The following PRKG1 variants were observed in gnomAD, a reference collection of about 807,000 sequenced individuals.
PRKG1 encodes the protein cGMP-dependent protein kinase 1.
In PRKG1, 35 loss-of-function variants were observed where a neutral mutation model predicts 88.1. The ratio of observed to expected loss-of-function variants is 0.40; its 90% CI spans 0.30 to 0.53. PRKG1 has a LOEUF of 0.53. Among genes scored for constraint, PRKG1 ranks in the 20% least tolerant of loss-of-function variants. The pLI, the probability that PRKG1 is intolerant of heterozygous loss-of-function variation, is 0.59. For synonymous variants in PRKG1, 303 were observed against 292.5 expected (o/e 1.04, Z -0.37); for missense variants, 540 against 839.8 (o/e 0.64, Z 4.41).
intron 2 of PRKG1, among the ~76,000 whole-genome samples, chr10:51,438,208 A>G (rs1838995175): frequency 6.6e-6 from 1 of 151,710 alleles, no homozygotes; most frequent in Non-Finnish European, 1.5e-5. Context: ...CCAAAAAAAA[A>G]ATGTGAAGAA....
intron 2 of PRKG1, among the ~76,000 whole-genome samples, chr10:51,202,591 G>A (rs182251644): frequency 3.3e-5 from 5 of 152,336 alleles, no homozygotes; most frequent in African/African-American, 9.6e-5. Context: ...TAGTCTAACA[G>A]TGGAATATGT....
intron 2 of PRKG1, among the ~76,000 whole-genome samples, chr10:51,318,709 A>G (rs1248382551): frequency 6.6e-6 from 1 of 152,138 alleles, no homozygotes; most frequent in African/African-American, 2.4e-5. Context: ...TTTTTCATAA[A>G]AATCTTTAAC....
At chr10:51,765,163 C>A (rs1386687005) in intron 3 of PRKG1, among the ~76,000 whole-genome samples, 1 of 152,140 alleles carries the variant, frequency 6.6e-6, no homozygotes. Flanking sequence ...GCTTTTTAAA[C>A]CTAACCTTTT....
intron 4 of PRKG1, among the ~76,000 whole-genome samples, chr10:51,905,776 T>C (rs921337065): frequency 3.3e-5 from 5 of 152,204 alleles, no homozygotes; most frequent in African/African-American, 7.2e-5. Context: ...TAAGCTAATA[T>C]ATTTCATGGG....
rs112214253 is a variant in PRKG1, at chr10:51,782,149, T to C, written c.593-22436T>C. Among the ~76,000 whole-genome samples the C allele has an allele frequency of 1.9e-3, 291 of 152,228 alleles. 4 individuals are homozygous for C. The highest frequency in any genetic ancestry group is 6.9e-3 in the African/African-American group (285 of 41,560). ...CATCCTAAACAAGGACTGCTTAACTTTAAGCACTTTTAAAGAATATATAAA... is the reference window on the plus strand; with the variant it reads ...CATCCTAAACAAGGACTGCTTAACTCTAAGCACTTTTAAAGAATATATAAA... On this transcript the variant is annotated intron_variant, in intron 3 of 17. Transcript: ENST00000373980.
At chr10:51,625,813 A>G (rs1309988689) in intron 3 of PRKG1, among the ~76,000 whole-genome samples, 1 of 152,130 alleles carries the variant, frequency 6.6e-6, no homozygotes, top group East Asian at 1.9e-4. Context: ...TCAAAACAGA[A>G]CAGAGAGTCA....
intron 9 of PRKG1, among the ~76,000 whole-genome samples, chr10:52,204,384 C>T (rs1839760081): frequency 6.6e-6 from 1 of 152,082 alleles, no homozygotes; most frequent in Non-Finnish European, 1.5e-5. Context: ...CTGCACCCAA[C>T]TGTTAGCTGG....
intron 4 of PRKG1, among the ~76,000 whole-genome samples, chr10:51,874,355 G>T (rs560604854): frequency 6.6e-6 from 1 of 152,168 alleles, no homozygotes; most frequent in African/African-American, 2.4e-5. Flanking sequence ...TGCAGAAAAC[G>T]TAAAAGTTAG....
chr10:51,050,757 G>GC (rs1843550593), intron 1 of PRKG1, among the ~76,000 whole-genome samples: 1 of 152,028 alleles, frequency 6.6e-6, no homozygotes, highest in African/African-American at 2.4e-5. Context: ...TATAGTGGCT[G>GC]CACCAGTTTA....
At chr10:51,136,947 G>A (rs1237805225) in intron 1 of PRKG1, among the ~76,000 whole-genome samples, 2 of 151,734 alleles carry the variant, frequency 1.3e-5, no homozygotes, top group Admixed American at 6.6e-5. Context: ...TGTTGCCCAC[G>A]CTGGAGTGCA....
intron 2 of PRKG1, among the ~76,000 whole-genome samples, chr10:51,221,749 A>C (rs1838537771): frequency 6.6e-6 from 1 of 152,260 alleles, no homozygotes; most frequent in Non-Finnish European, 1.5e-5. Flanking sequence ...TAAGATAACA[A>C]TGAAAGGTAG....
chr10:52,224,106 G>A (rs1012827316), intron 9 of PRKG1, among the ~76,000 whole-genome samples: 4 of 152,124 alleles, frequency 2.6e-5, no homozygotes, highest in Admixed American at 2.6e-4. Context: ...CAGAATAAAA[G>A]GCAAATCTTT....
At chr10:52,232,457 G>T (rs1222042045) in intron 9 of PRKG1, among the ~76,000 whole-genome samples, 1 of 152,006 alleles carries the variant, frequency 6.6e-6, no homozygotes, top group Non-Finnish European at 1.5e-5. Context: ...TTTGTATTAT[G>T]TATCTTAAGT....
chr10:51,487,252 A>C (rs1840574966), intron 3 of PRKG1, among the ~76,000 whole-genome samples: 1 of 152,196 alleles, frequency 6.6e-6, no homozygotes, highest in Non-Finnish European at 1.5e-5. Context: ...ATAAGAATAC[A>C]TGTTTAAAAT....
intron 7 of PRKG1, among the ~76,000 whole-genome samples, chr10:52,074,731 A>C (rs183143286): frequency 3.5e-4 from 53 of 152,316 alleles, no homozygotes; most frequent in African/African-American, 1.2e-3. Flanking sequence ...CAGGCAACAA[A>C]GATTTTAATT....
chr10:52,282,730 A>T (rs1842027480), intron 14 of PRKG1, among the ~76,000 whole-genome samples: 1 of 152,102 alleles, frequency 6.6e-6, no homozygotes, highest in South Asian at 2.1e-4. Context: ...TGCTTTGTAC[A>T]TCTTTCCTGT....
intron 1 of PRKG1, among the ~76,000 whole-genome samples, chr10:51,117,521 A>T (rs1845157220): frequency 6.6e-6 from 1 of 152,214 alleles, no homozygotes; most frequent in African/African-American, 2.4e-5. Flanking sequence ...GGCATTATTT[A>T]TGGTGCTTAC....
chr10:51,788,156 A>G (rs937126380), intron 3 of PRKG1, among the ~76,000 whole-genome samples: 1 of 152,164 alleles, frequency 6.6e-6, no homozygotes, highest in East Asian at 1.9e-4. Flanking sequence ...TTTCCTATGG[A>G]AGATACCAGT....
intron 2 of PRKG1, among the ~76,000 whole-genome samples, chr10:51,175,221 T>G (rs576825271): frequency 2.0e-5 from 3 of 151,996 alleles, no homozygotes; most frequent in Non-Finnish European, 4.4e-5. Context: ...TGTACATTAT[T>G]TCATTTAACT....
Sources: gnomAD v4.1 joint callset for allele counts (sites outside exome capture counted in the v4.1 genomes callset) on GRCh38, gnomAD v4.1.1 for gene constraint, MANE v1.5 for transcripts, NCBI Gene and HGNC (gene_info 2026-07-23, HGNC 2026-07-21) for gene names.